Variants in PPP6R2 observed in about 807,000 individuals in gnomAD.
The protein encoded by PPP6R2 is serine/threonine-protein phosphatase 6 regulatory subunit 2.
Under a neutral mutation model 100.2 loss-of-function variants are expected in PPP6R2, and 62 were observed. The observed-to-expected ratio is 0.62, with a 90% confidence interval of 0.50 to 0.76. The LOEUF is 0.76. PPP6R2 is among the 30% of genes least tolerant of loss of function. The pLI, the probability that PPP6R2 is intolerant of heterozygous loss-of-function variation, is 0.00. For missense variants in PPP6R2, 1,142 were observed against 1,276.3 expected (o/e 0.89, Z 1.60); for synonymous variants, 525 against 514.7 (o/e 1.02, Z -0.27).
At chr22:50,383,976 C>T (rs1401035755) in intron 2 of PPP6R2, among the ~76,000 whole-genome samples, 1 of 141,432 alleles carries the variant, frequency 7.1e-6, no homozygotes, top group Non-Finnish European at 1.5e-5. Context: ...ATGGTGGTTG[C>T]GGTGAGCCAA....
intron 4 of PPP6R2, among the ~76,000 whole-genome samples, chr22:50,413,905 C>G (rs986510236): frequency 2.0e-5 from 3 of 152,220 alleles, no homozygotes; most frequent in East Asian, 1.9e-4. Context: ...GCGAGCCCAG[C>G]CTTCACTTCT....
chr22:50,340,344 GGT>G (rs1223593055), upstream of PPP6R2, among the ~76,000 whole-genome samples: 2 of 128,740 alleles, frequency 1.6e-5, no homozygotes, highest in South Asian at 2.7e-4. Flanking sequence ...GTGTGTATGT[GGT>G]GTGTGTGTGG....
chr22:50,423,528 G>A lies in PPP6R2; in HGVS notation c.1039G>A (p.Ala347Thr), dbSNP rs141375294. Residue 347 changes from alanine (A) to threonine (T), a missense_variant, in exon 10 of 24, where the codon GCC becomes ACC. Ala to Thr is a moderately conservative substitution (Grantham distance 58, BLOSUM62 0). Around this residue, in one of 2 missense-constraint regions of PPP6R2, gnomAD observed 592 missense variants for 758.9 expected, o/e 0.78. Coordinates refer to ENST00000612753, the MANE Select transcript of PPP6R2 (RefSeq NM_001242898.2). This position sits in a 1 kb window ranked among gnomAD's most constrained non-coding sequence, Gnocchi z 4.8. Reference protein sequence around the residue: ...EPLGNARLHGARLMAALLHTN... With the variant: ...EPLGNARLHGTRLMAALLHTN... ...CCTGGGGAATGCCCGTCTGCATGGC[G>A]CCCGCCTCATGGCAGCACTGCTGCA... 3.5e-4 allele frequency: 571 copies of A among 1,614,068 alleles called. No individual in the cohort carries two copies. The highest frequency in any genetic ancestry group is 4.3e-4 in the Non-Finnish European group (506 of 1,180,044).
chr22:50,418,751 G>C, intron 6 of PPP6R2, 116 bp from the exon 7 acceptor site: 1 of 774,530 alleles, frequency 1.3e-6, no homozygotes, highest in South Asian at 1.6e-5. Flanking sequence ...GAACAACAAC[G>C]AAAGTCTAGC....
In PPP6R2 at chr22:50,409,436, A is replaced by T. The variant is rs539396287; in HGVS notation, c.414+2561A>T. The stretch of plus-strand genomic sequence containing the variant: ...CCTTTTGATCATGATGATGATGATG[A>T]TGATTTTTTTGAGGCAGAGTCTTGC... On this transcript the variant is annotated intron_variant, in intron 4 of 23. Coordinates refer to ENST00000612753, the MANE Select transcript of PPP6R2 (RefSeq NM_001242898.2). Among the ~76,000 whole-genome samples the T allele has an allele frequency of 3.3e-5, 5 of 152,072 alleles. No homozygotes were observed. The South Asian group carries it at 1.0e-3, about 32-fold the overall frequency.
chr22:50,439,960 G>C lies in PPP6R2; in HGVS notation c.2286-1G>C. The C allele has an allele frequency of 6.2e-7, 1 of 1,613,470 alleles. No homozygotes were observed. Among genetic ancestry groups the C allele is most frequent in the Non-Finnish European group, 8.5e-7 (1 of 1,179,822 alleles). The stretch of plus-strand genomic sequence containing the variant: ...GATCCTGTCCTCGTCCTTGTATGCA[G>C]CTCCGAGTCAGGGCCCAGGTGCAGC... On this transcript the variant is annotated splice_acceptor_variant, in intron 20 of 23. Coordinates refer to ENST00000612753, the MANE Select transcript of PPP6R2 (RefSeq NM_001242898.2). LOFTEE classifies it high-confidence loss of function.
intron 12 of PPP6R2, among the ~76,000 whole-genome samples, chr22:50,433,373 G>A (rs1438265825): frequency 1.1e-5 from 1 of 91,772 alleles, no homozygotes; most frequent in African/African-American, 3.9e-5. Context: ...CGCTGGGCAG[G>A]GGCCGGGCAT....
Position 50,406,696 on chromosome 22 carries a change from AAC to A in PPP6R2, c.239_240del (p.Thr80SerfsTer3). On this transcript the variant is annotated frameshift_variant, in exon 4 of 24. Coordinates refer to ENST00000612753, the MANE Select transcript of PPP6R2 (RefSeq NM_001242898.2). LOFTEE classifies it high-confidence loss of function. ...MEEKVRFKYP[N>X]TACELLTCDV... is the part of the protein sequence containing the mutation. Reference sequence around the variant, plus strand: ...TGGACTGTGCCCTTTTAGATATCCAAACACAGCCTGTGAGCTTCTGACTTGTG... The same window carrying A: ...TGGACTGTGCCCTTTTAGATATCCAAACAGCCTGTGAGCTTCTGACTTGTG... 5 of 1,613,306 alleles carry A rather than the reference AAC, an allele frequency of 3.1e-6. No individual in the cohort carries two copies. Among genetic ancestry groups the A allele is most frequent in the Non-Finnish European group, 3.4e-6 (4 of 1,179,910 alleles).
At position 50,422,300 on chromosome 22, in the gene PPP6R2, T is replaced by C. The variant is rs2061442675; in HGVS notation, c.892T>C (p.Tyr298His). The C allele has an allele frequency of 6.2e-7, 1 of 1,613,990 alleles. No individual in the cohort carries two copies. The highest frequency in any genetic ancestry group is 1.1e-5 in the South Asian group (1 of 91,070). Reference sequence around the variant, plus strand: ...CTTTTCTCAGGGACTGGAAAGGTCATACGCTGTCAGCAGCAGCGTACTACA... The same window carrying C: ...CTTTTCTCAGGGACTGGAAAGGTCACACGCTGTCAGCAGCAGCGTACTACA... ...DSFSQGLERSYAVSSSVLHGI... is the reference protein window; with the variant it reads ...DSFSQGLERSHAVSSSVLHGI... The change falls in exon 9 of 24, where the codon TAC (tyrosine) becomes CAC (histidine). Residue 298 changes from tyrosine to histidine, a missense_variant. Tyr to His is a moderately conservative substitution (Grantham distance 83). Around this residue, in one of 2 missense-constraint regions of PPP6R2, gnomAD observed 592 missense variants for 758.9 expected, o/e 0.78. Coordinates refer to ENST00000612753, the MANE Select transcript of PPP6R2 (RefSeq NM_001242898.2).
chr22:50,382,738 C>G (rs1292096532), intron 2 of PPP6R2, among the ~76,000 whole-genome samples: 1 of 152,000 alleles, frequency 6.6e-6, no homozygotes, highest in Non-Finnish European at 1.5e-5. Context: ...ACTGTTATAC[C>G]AGTTCTTCTC....
intron 7 of PPP6R2, 50 bp downstream of exon 7, chr22:50,419,029 G>T: frequency 7.0e-7 from 1 of 1,423,048 alleles, no homozygotes; most frequent in East Asian, 2.3e-5. Context: ...TCTGGGTCAT[G>T]GGGACGTCTG....
At chr22:50,351,368 G>A (rs116877250) in intron 1 of PPP6R2, among the ~76,000 whole-genome samples, 1,878 of 46,724 alleles carry the variant, frequency 0.04, 22 homozygotes, top group South Asian at 0.087. Flanking sequence ...AAGGGTCCTA[G>A]GATTTTCAGA....
At chr22:50,391,202 G>C (rs928281715) in intron 2 of PPP6R2, among the ~76,000 whole-genome samples, 1 of 151,630 alleles carries the variant, frequency 6.6e-6, no homozygotes, top group Non-Finnish European at 1.5e-5. Flanking sequence ...GGGGGGCCTA[G>C]GTGGGCGGAT....
chr22:50,356,305 CT>C (rs542422707), intron 1 of PPP6R2, among the ~76,000 whole-genome samples: 4,260 of 135,224 alleles, frequency 0.032, 191 homozygotes, highest in African/African-American at 0.1. Context: ...TCTATTTTTC[CT>C]TTTTTTTTTT....
chr22:50,434,926 G>A (rs201042985), intron 12 of PPP6R2, 40 bp from the exon 13 acceptor site: 40 of 1,564,856 alleles, frequency 2.6e-5, no homozygotes, highest in South Asian at 4.6e-5. Context: ...TGGCAAGGTC[G>A]GGGCCAGGAG....
rs111914527 is a variant in PPP6R2 at position 50,428,067 on chromosome 22, T to C, written c.1126-3106T>C. Among the ~76,000 whole-genome samples, 3 of 150,860 alleles carry C rather than the reference T, an allele frequency of 2.0e-5. No homozygotes were observed. In the South Asian group the frequency reaches 6.3e-4, roughly 32 times the overall value. The stretch of plus-strand genomic sequence containing the variant: ...ATGGGGTTTCACCATGTTGGCCAGG[T>C]TGGTCTCAAACTCCTGACCTCAAGT... On this transcript the variant is annotated intron_variant, in intron 10 of 23. Transcript: ENST00000612753.
At chr22:50,333,931 T>G in the PPP6R2 span, among the ~76,000 whole-genome samples, 1 of 152,228 alleles carries the variant, frequency 6.6e-6, no homozygotes, top group Non-Finnish European at 1.5e-5. Flanking sequence ...CACGTGTCCA[T>G]GGGCCAGGGG....
upstream of PPP6R2, among the ~76,000 whole-genome samples, chr22:50,342,526 A>AT (rs1354863243): frequency 6.6e-6 from 1 of 152,166 alleles, no homozygotes; most frequent in East Asian, 1.9e-4. Context: ...CAAAAGAGAA[A>AT]TACCGAATAT....
At chr22:50,437,381 C>G (rs2064564084) in intron 15 of PPP6R2, 125 bp from the exon 16 acceptor site, 4 of 716,258 alleles carry the variant, frequency 5.6e-6, no homozygotes, top group Non-Finnish European at 4.8e-6. Flanking sequence ...TTACTGCCCA[C>G]TTGTGCTGGA....
Sources: gnomAD v4.1 joint callset for allele counts (sites outside exome capture counted in the v4.1 genomes callset) on GRCh38, gnomAD v4.1.1 for gene constraint, gnomAD v4.1.1 regional missense constraint, Gnocchi (gnomAD v3.1) non-coding constraint, MANE v1.5 for transcripts, NCBI Gene and HGNC (gene_info 2026-07-23, HGNC 2026-07-21) for gene names.